Variants in CACNA1B observed in about 807,000 individuals in gnomAD.
CACNA1B encodes voltage-dependent N-type calcium channel subunit alpha-1B.
In CACNA1B, 70 loss-of-function variants were observed where a neutral mutation model predicts 247.2. The observed-to-expected ratio is 0.28, with a 90% CI of 0.23 to 0.35. CACNA1B has a LOEUF of 0.35. Ranked by LOEUF, CACNA1B falls within the 10% of genes least tolerant of loss-of-function variation. The pLI, the probability that CACNA1B is intolerant of heterozygous loss-of-function variation, is 1.00. For synonymous variants in CACNA1B, 1,231 were observed against 1,294.4 expected (o/e 0.95, Z 1.05); for missense variants, 2,367 against 3,197.4 (o/e 0.74, Z 6.26).
At chr9:138,008,086 G>A (rs1958676961) in intron 16 of CACNA1B, among the ~76,000 whole-genome samples, 1 of 152,212 alleles carries the variant, frequency 6.6e-6, no homozygotes, top group African/African-American at 2.4e-5. Context: ...GAAGTTGAGT[G>A]TGTGTGAGCC....
At chr9:137,894,774 T>C (rs1483358487) in intron 3 of CACNA1B, among the ~76,000 whole-genome samples, 1 of 152,200 alleles carries the variant, frequency 6.6e-6, no homozygotes, top group East Asian at 1.9e-4. Flanking sequence ...GATTGTTTGA[T>C]ATTAGTCTAT....
intron 34 of CACNA1B, 27 bp downstream of exon 34, chr9:138,074,093 G>A (rs201127182): frequency 2.3e-5 from 36 of 1,579,972 alleles, no homozygotes; most frequent in East Asian, 8.9e-5. Flanking sequence ...GGGACAGAGC[G>A]TGGTTCCGGC....
chr9:137,962,744 T>G (rs566647843), intron 10 of CACNA1B, among the ~76,000 whole-genome samples: 1 of 152,240 alleles, frequency 6.6e-6, no homozygotes, highest in African/African-American at 2.4e-5. Context: ...ACCATGGTCT[T>G]AGAGACTGTT....
intron 6 of CACNA1B, among the ~76,000 whole-genome samples, chr9:137,939,749 GCT>G (rs1957709789): frequency 6.6e-6 from 1 of 151,702 alleles, no homozygotes; most frequent in African/African-American, 2.4e-5. Flanking sequence ...CTTGCAGTGA[GCT>G]GAGATCACGC....
At chr9:137,886,906 C>T (rs566740301) in intron 3 of CACNA1B, among the ~76,000 whole-genome samples, 5 of 151,898 alleles carry the variant, frequency 3.3e-5, no homozygotes, top group South Asian at 2.1e-4. Context: ...GACTGGAGAG[C>T]GTGAGGGGTG....
chr9:138,087,985 C>T (rs1445382177), intron 36 of CACNA1B, among the ~76,000 whole-genome samples: 4 of 151,346 alleles, frequency 2.6e-5, no homozygotes, highest in East Asian at 1.9e-4. Context: ...CAAACCAGGC[C>T]GAAAATTAGT....
At position 138,035,407 on chromosome 9, in the gene CACNA1B, C is replaced by T. The variant is rs1035263616; in HGVS notation, c.3287-8367C>T. ...CCAGGAGGTGGAGACTGCAGTGAGC[C>T]GTGAGCTGTGATCGTGCCACTGCAC... On this transcript the variant is annotated intron_variant, in intron 20 of 46. Transcript: ENST00000371372. Among the ~76,000 whole-genome samples the T allele has an allele frequency of 3.9e-5, 6 of 152,048 alleles. No homozygotes were observed. The South Asian group carries it at 6.2e-4, about 16-fold the overall frequency.
chr9:137,960,673 G>A (rs1422790374), intron 10 of CACNA1B, among the ~76,000 whole-genome samples: 1 of 151,978 alleles, frequency 6.6e-6, no homozygotes, highest in Non-Finnish European at 1.5e-5. Flanking sequence ...AGGCCAGCGC[G>A]GCTGGAGTGA....
At chr9:138,083,976 G>T (rs909877596) in intron 36 of CACNA1B, among the ~76,000 whole-genome samples, 1 of 150,880 alleles carries the variant, frequency 6.6e-6, no homozygotes, top group African/African-American at 2.5e-5. Context: ...TCAGGTTCCT[G>T]AATTGCAGCT....
At chr9:137,994,308 C>T (rs1015298361) in intron 15 of CACNA1B, among the ~76,000 whole-genome samples, 14 of 152,212 alleles carry the variant, frequency 9.2e-5, no homozygotes, top group African/African-American at 3.4e-4. Context: ...TGCCCACTGT[C>T]ACCACTCTCT....
intron 17 of CACNA1B, 65 bp from the exon 18 acceptor site, chr9:138,013,064 A>G (rs1475749262): frequency 1.4e-5 from 16 of 1,153,240 alleles, no homozygotes; most frequent in Admixed American, 3.6e-5. Flanking sequence ...GATGTTATAT[A>G]TAGCCAGTGT....
Position 137,893,014 on chromosome 9 carries a change from G to A in CACNA1B, c.530+10131G>A, listed in dbSNP as rs534238508. 6.5e-4 allele frequency among the ~76,000 whole-genome samples: 99 copies of A among 152,164 alleles called. 1 individual carries two copies. Among genetic ancestry groups the A allele is most frequent in the Non-Finnish European group, 8.5e-4 (58 of 68,036 alleles). ...GGGCCGCCATGGCACTCCGTGTCTC[G>A]CCTGGTGCTGGGCTCTGTGCCATCT... On this transcript the variant is annotated intron_variant, in intron 3 of 46. Transcript: ENST00000371372.
At chr9:138,117,129 C>A (rs2606357) in intron 42 of CACNA1B, among the ~76,000 whole-genome samples, 1 of 152,108 alleles carries the variant, frequency 6.6e-6, no homozygotes, top group Non-Finnish European at 1.5e-5. Context: ...ACACATTCCA[C>A]GCCAGTTGGG....
At position 138,012,728 on chromosome 9, in the gene CACNA1B, A is replaced by C. The variant is rs995753624; in HGVS notation, c.2161-401A>C. ...GACCCTGTCTCTAAAAAAAAAAAAA[A>C]CAAATAACAAAAAACAAAACAAACA... On this transcript the variant is annotated intron_variant, in intron 17 of 46. Coordinates refer to ENST00000371372, the MANE Select transcript of CACNA1B (RefSeq NM_000718.4). This position sits in a 1 kb window ranked among gnomAD's most constrained non-coding sequence, Gnocchi z 4.2. Among the ~76,000 whole-genome samples the C allele has an allele frequency of 6.6e-6, 1 of 151,698 alleles. No individual in the cohort carries two copies. Among genetic ancestry groups the C allele is most frequent in the East Asian group, 1.9e-4 (1 of 5,182 alleles).
chr9:138,045,780 C>A (rs567826350), intron 21 of CACNA1B, among the ~76,000 whole-genome samples: 2 of 152,076 alleles, frequency 1.3e-5, no homozygotes, highest in Non-Finnish European at 2.9e-5. Flanking sequence ...AGCAGGCTGG[C>A]GGTGGGCCAG....
intron 6 of CACNA1B, among the ~76,000 whole-genome samples, chr9:137,923,145 A>G (rs752354198): frequency 3.9e-5 from 6 of 152,006 alleles, no homozygotes; most frequent in Admixed American, 6.5e-5. Flanking sequence ...GAGTGGTGCC[A>G]GGTGTCAATT....
intron 42 of CACNA1B, among the ~76,000 whole-genome samples, chr9:138,117,290 G>GA (rs1961903964): frequency 6.6e-6 from 1 of 152,014 alleles, no homozygotes; most frequent in African/African-American, 2.4e-5. Context: ...GGCTTGGGGG[G>GA]GGGGTCAGAG....
At chr9:138,037,583 C>T (rs1307800915) in intron 20 of CACNA1B, among the ~76,000 whole-genome samples, 4 of 152,048 alleles carry the variant, frequency 2.6e-5, no homozygotes, top group African/African-American at 4.8e-5. Flanking sequence ...CGCTTGAACA[C>T]GAGAGGCGGA....
intron 15 of CACNA1B, among the ~76,000 whole-genome samples, chr9:137,994,306 G>C (rs982511095): frequency 3.3e-5 from 5 of 152,158 alleles, no homozygotes; most frequent in African/African-American, 9.7e-5. Flanking sequence ...GATGCCCACT[G>C]TCACCACTCT....
Sources: gnomAD v4.1 joint callset for allele counts (sites outside exome capture counted in the v4.1 genomes callset) on GRCh38, gnomAD v4.1.1 for gene constraint, Gnocchi (gnomAD v3.1) non-coding constraint, MANE v1.5 for transcripts, NCBI Gene and HGNC (gene_info 2026-07-23, HGNC 2026-07-21) for gene names.